Variants in PARVA observed in about 807,000 individuals in gnomAD.
The protein encoded by PARVA is alpha-parvin.
A neutral mutation model predicts 52.6 loss-of-function variants in PARVA; 25 were observed. The observed-to-expected ratio is 0.48, with a 90% CI of 0.35 to 0.66. PARVA has a LOEUF of 0.66. Ranked by LOEUF, PARVA falls within the 30% of genes least tolerant of loss-of-function variation. The pLI is 0.01. For missense variants in PARVA, 373 were observed against 450.9 expected, an observed-to-expected ratio of 0.83 and a Z score of 1.56; for synonymous variants, 185 against 179.1, an observed-to-expected ratio of 1.03 and a Z score of -0.26.
chr11:12,513,277 A>G, intron 8 of PARVA, 22 bp from the exon 9 acceptor site: 2 of 1,612,278 alleles, frequency 1.2e-6, no homozygotes, highest in East Asian at 2.2e-5. Context: ...TGTGCTCCAC[A>G]TTGTGTTTCC....
intron 5 of PARVA, among the ~76,000 whole-genome samples, chr11:12,498,615 C>G (rs1361808373): frequency 2.0e-5 from 3 of 147,504 alleles, no homozygotes; most frequent in Non-Finnish European, 4.4e-5. Flanking sequence ...CGCTCTGTTG[C>G]CCAGGCTGAA....
chr11:12,405,596 A>G (rs1589945086), intron 1 of PARVA, among the ~76,000 whole-genome samples: 1 of 152,116 alleles, frequency 6.6e-6, no homozygotes, highest in Non-Finnish European at 1.5e-5. Context: ...AAAATAAACC[A>G]TAGTGTTTTT....
intron 1 of PARVA, among the ~76,000 whole-genome samples, chr11:12,468,524 G>T (rs968918233): frequency 6.6e-6 from 1 of 152,134 alleles, no homozygotes; most frequent in African/African-American, 2.4e-5. Context: ...TTCACCCATT[G>T]ACTTTAGAAT....
chr11:12,526,405 G>A (rs1018094701), intron 12 of PARVA, among the ~76,000 whole-genome samples: 2 of 151,860 alleles, frequency 1.3e-5, no homozygotes, highest in African/African-American at 4.8e-5. Context: ...TGAATCCCAG[G>A]GCATTTATTA....
chr11:12,468,304 G>C (rs868325847), intron 1 of PARVA, among the ~76,000 whole-genome samples: 26 of 152,202 alleles, frequency 1.7e-4, no homozygotes, highest in Admixed American at 8.5e-4. Flanking sequence ...CTGCTTCAGG[G>C]GAGGCACCCA....
intron 12 of PARVA, among the ~76,000 whole-genome samples, chr11:12,521,641 T>A (rs890704961): frequency 2.0e-5 from 3 of 152,180 alleles, no homozygotes; most frequent in African/African-American, 7.2e-5. Context: ...TTTGCAGATG[T>A]GATTAAATTT....
chr11:12,453,579 A>G (rs1049437455), intron 1 of PARVA, among the ~76,000 whole-genome samples: 6 of 152,178 alleles, frequency 3.9e-5, no homozygotes, highest in Non-Finnish European at 7.4e-5. Flanking sequence ...ATTCTCCCAC[A>G]TAGTTTGGAA....
At chr11:12,477,419 CTG>C (rs984166851) in intron 3 of PARVA, among the ~76,000 whole-genome samples, 1 of 152,138 alleles carries the variant, frequency 6.6e-6, no homozygotes, top group Admixed American at 6.5e-5. Flanking sequence ...TGGCCGTACA[CTG>C]TGAGTGTTGC....
At chr11:12,437,634 G>A (rs1307533105) in intron 1 of PARVA, among the ~76,000 whole-genome samples, 1 of 152,190 alleles carries the variant, frequency 6.6e-6, no homozygotes, top group Non-Finnish European at 1.5e-5. Flanking sequence ...TGGATATAGG[G>A]ATGATGCTAT....
intron 1 of PARVA, among the ~76,000 whole-genome samples, chr11:12,437,474 G>A (rs985486376): frequency 3.3e-5 from 5 of 152,198 alleles, no homozygotes; most frequent in African/African-American, 9.7e-5. Flanking sequence ...TGTATGAACT[G>A]GCCATCTTGG....
chr11:12,436,615 A>G (rs1291073189), intron 1 of PARVA, among the ~76,000 whole-genome samples: 2 of 152,170 alleles, frequency 1.3e-5, no homozygotes, highest in Non-Finnish European at 2.9e-5. Flanking sequence ...GACATTGAGT[A>G]TTACTGAGGG....
chr11:12,497,673 C>T (rs1941314691), intron 5 of PARVA, among the ~76,000 whole-genome samples: 2 of 152,148 alleles, frequency 1.3e-5, no homozygotes, highest in South Asian at 4.1e-4. Context: ...CAGAGGGAGA[C>T]ACCTGAGGGC....
intron 1 of PARVA, among the ~76,000 whole-genome samples, chr11:12,385,313 A>C (rs1939558097): frequency 6.6e-6 from 1 of 152,186 alleles, no homozygotes; most frequent in Non-Finnish European, 1.5e-5. Context: ...TGTGTGACAG[A>C]GCAAGACCCT....
At chr11:12,378,340 C>T (rs1425639848) in intron 1 of PARVA, among the ~76,000 whole-genome samples, 1 of 152,250 alleles carries the variant, frequency 6.6e-6, no homozygotes, top group East Asian at 1.9e-4. Flanking sequence ...ATCCCGAGGG[C>T]TGAGAAGGGC....
At chr11:12,386,678 T>C (rs1016367777) in intron 1 of PARVA, among the ~76,000 whole-genome samples, 3 of 152,230 alleles carry the variant, frequency 2.0e-5, no homozygotes, top group Admixed American at 1.3e-4. Flanking sequence ...ACTGGCCATG[T>C]AATCTTAGAC....
chr11:12,417,357 T>C (rs984082616), intron 1 of PARVA, among the ~76,000 whole-genome samples: 1 of 152,224 alleles, frequency 6.6e-6, no homozygotes, highest in African/African-American at 2.4e-5. Flanking sequence ...CAGTTCTATA[T>C]TATTTTCTGG....
At chr11:12,486,718 C>T (rs1210742620) in intron 4 of PARVA, among the ~76,000 whole-genome samples, 7 of 151,190 alleles carry the variant, frequency 4.6e-5, no homozygotes, top group East Asian at 3.9e-4. Context: ...TGGTGGTGGG[C>T]GCCTGTAATC....
chr11:12,419,247 C>T (rs1940113132), intron 1 of PARVA, among the ~76,000 whole-genome samples: 1 of 152,238 alleles, frequency 6.6e-6, no homozygotes, highest in East Asian at 1.9e-4. Context: ...AAAACTGAAA[C>T]CCTATACCCA....
intron 1 of PARVA, among the ~76,000 whole-genome samples, chr11:12,396,822 C>G (rs1446861320): frequency 6.6e-6 from 1 of 152,134 alleles, no homozygotes; most frequent in Non-Finnish European, 1.5e-5. Context: ...AGTAAGGGCC[C>G]CCTCTTTCTT....
Sources: allele counts gnomAD v4.1 joint callset (sites outside exome capture counted in the v4.1 genomes callset), GRCh38; gene constraint gnomAD v4.1.1; transcripts MANE v1.5; gene names NCBI Gene and HGNC (gene_info 2026-07-23, HGNC 2026-07-21).